Variants in UGT8 observed in about 807,000 individuals in gnomAD.
The protein encoded by UGT8 is UDP glycosyltransferase 8.
UGT8 carries 12 observed loss-of-function variants against 40.5 expected under a neutral mutation model. The ratio of observed to expected loss-of-function variants is 0.30; its 90% CI spans 0.19 to 0.48. The LOEUF (loss-of-function observed/expected upper bound fraction) is 0.48. Ranked by LOEUF, UGT8 falls within the 20% of genes least tolerant of loss-of-function variation. The pLI is 0.99. For missense variants in UGT8, 513 were observed against 648.7 expected (o/e 0.79, Z 2.27); for synonymous variants, 224 against 240.4 (o/e 0.93, Z 0.63).
intron 2 of UGT8, among the ~76,000 whole-genome samples, chr4:114,624,206 T>C (rs115352710): frequency 0.013 from 1,945 of 152,304 alleles, 31 homozygotes; most frequent in African/African-American, 0.036. Context: ...AGTAGGGAGT[T>C]GGTTAATTTA....
At chr4:114,626,823 G>T (rs1034170597) in intron 2 of UGT8, among the ~76,000 whole-genome samples, 2 of 152,028 alleles carry the variant, frequency 1.3e-5, no homozygotes, top group Non-Finnish European at 2.9e-5. Context: ...GCAGTTTTTT[G>T]AATCTTATTT....
At chr4:114,662,630 C>T (rs760796448) in intron 2 of UGT8, among the ~76,000 whole-genome samples, 2 of 151,930 alleles carry the variant, frequency 1.3e-5, no homozygotes, top group East Asian at 1.9e-4. Flanking sequence ...TGACATTATT[C>T]GCTAATTTTT....
chr4:114,606,437 T>C (rs1172504070), intron 1 of UGT8, among the ~76,000 whole-genome samples: 1 of 152,152 alleles, frequency 6.6e-6, no homozygotes, highest in African/African-American at 2.4e-5. Flanking sequence ...AAGGCCTTTG[T>C]GTTTTACATA....
At chr4:114,621,443 C>A (rs1333890905) in intron 1 of UGT8, among the ~76,000 whole-genome samples, 2 of 152,180 alleles carry the variant, frequency 1.3e-5, no homozygotes, top group Non-Finnish European at 2.9e-5. Flanking sequence ...TGTTAAAGAT[C>A]ATTTTTCCTC....
At chr4:114,661,412 A>C (rs1578460968) in intron 2 of UGT8, among the ~76,000 whole-genome samples, 1 of 152,318 alleles carries the variant, frequency 6.6e-6, no homozygotes, top group Middle Eastern at 3.4e-3. Flanking sequence ...TGGCTAAGAT[A>C]TCCTGAGGGC....
chr4:114,649,122 A>G lies in UGT8; in HGVS notation c.823-14873A>G, dbSNP rs137980873. Among the ~76,000 whole-genome samples the G allele has an allele frequency of 4.5e-4, 68 of 152,328 alleles. 1 individual carries two copies. Among genetic ancestry groups the G allele is most frequent in the African/African-American group, 1.4e-3 (59 of 41,584 alleles). On this transcript the variant is annotated intron_variant, in intron 2 of 5. Coordinates refer to ENST00000310836, the MANE Select transcript of UGT8 (RefSeq NM_001128174.3). ...TATTGGATAGCATATTGGATATGTAATTTCTGATCCCTAGGGTACTAGAGG... is the reference window on the plus strand; with the variant it reads ...TATTGGATAGCATATTGGATATGTAGTTTCTGATCCCTAGGGTACTAGAGG...
At chr4:114,650,290 T>C (rs1733823892) in intron 2 of UGT8, among the ~76,000 whole-genome samples, 1 of 152,212 alleles carries the variant, frequency 6.6e-6, no homozygotes, top group African/African-American at 2.4e-5. Context: ...TAGCACTTAT[T>C]AAAGAATTTT....
chr4:114,644,882 C>G (rs139435762), intron 2 of UGT8, among the ~76,000 whole-genome samples: 1 of 152,258 alleles, frequency 6.6e-6, no homozygotes, highest in African/African-American at 2.4e-5. Flanking sequence ...CATTCTTAGG[C>G]ACTACTTTCA....
At chr4:114,638,846 A>T (rs921665049) in intron 2 of UGT8, among the ~76,000 whole-genome samples, 1 of 152,156 alleles carries the variant, frequency 6.6e-6, no homozygotes, top group East Asian at 1.9e-4. Context: ...GTATTTTTAC[A>T]TATCTCTTAC....
At chr4:114,626,880 T>A (rs10026078) in intron 2 of UGT8, among the ~76,000 whole-genome samples, 4,938 of 152,346 alleles carry the variant, frequency 0.032, 245 homozygotes, top group African/African-American at 0.11. Context: ...TCAAGTCAAA[T>A]GAAACCATAT....
Position 114,677,919 on chromosome 4 carries a change from G to C in UGT8, c.*1631G>C, listed in dbSNP as rs1411939198. The C allele has an allele frequency of 6.6e-6, 1 of 152,206 alleles. No individual in the cohort carries two copies. The highest frequency in any genetic ancestry group is 1.5e-5 in the Non-Finnish European group (1 of 68,050). 9.4% of individuals were successfully genotyped at this position (152,206 alleles called of 1,614,324 possible). ...CCTGCACTTAGAAATAATGTCACAA[G>C]TAGTTTTCTAATGTACAATGCAGAC... On this transcript the variant is annotated 3_prime_UTR_variant, in exon 6 of 6. Transcript: ENST00000310836.
intron 1 of UGT8, among the ~76,000 whole-genome samples, chr4:114,611,734 T>C (rs1459892477): frequency 6.6e-6 from 1 of 151,612 alleles, no homozygotes; most frequent in Non-Finnish European, 1.5e-5. Flanking sequence ...AAATGAGGTA[T>C]GTGATCAAGA....
chr4:114,642,379 C>T (rs1308167037), intron 2 of UGT8, among the ~76,000 whole-genome samples: 1 of 152,026 alleles, frequency 6.6e-6, no homozygotes. Flanking sequence ...ATATTAGGCC[C>T]TCAATGAGCA....
chr4:114,630,226 T>C (rs1334663209), intron 2 of UGT8, among the ~76,000 whole-genome samples: 1 of 152,186 alleles, frequency 6.6e-6, no homozygotes, highest in East Asian at 1.9e-4. Flanking sequence ...CCTTTCCAGG[T>C]ATTGTTCCTT....
At chr4:114,649,680 C>T (rs940432497) in intron 2 of UGT8, among the ~76,000 whole-genome samples, 5 of 152,074 alleles carry the variant, frequency 3.3e-5, no homozygotes, top group African/African-American at 9.7e-5. Flanking sequence ...TCCACACTTA[C>T]GTTCAGCTAA....
At chr4:114,661,400 T>A (rs548014141) in intron 2 of UGT8, among the ~76,000 whole-genome samples, 11 of 152,296 alleles carry the variant, frequency 7.2e-5, no homozygotes, top group African/African-American at 2.6e-4. Context: ...TATGTTTATA[T>A]ATGGCTAAGA....
chr4:114,657,242 A>AATTTAACTT (rs1355374945), intron 2 of UGT8, among the ~76,000 whole-genome samples: 1 of 152,064 alleles, frequency 6.6e-6, no homozygotes, highest in Non-Finnish European at 1.5e-5. Context: ...GAACCTTGAA[A>AATTTAACTT]ATTTAACTTT....
At chr4:114,600,264 A>C (rs1304277390) in intron 1 of UGT8, among the ~76,000 whole-genome samples, 1 of 152,126 alleles carries the variant, frequency 6.6e-6, no homozygotes. Flanking sequence ...TTAGAAAAAA[A>C]CCACACTACT....
At chr4:114,627,394 G>T (rs1732300000) in intron 2 of UGT8, among the ~76,000 whole-genome samples, 1 of 151,666 alleles carries the variant, frequency 6.6e-6, no homozygotes, top group African/African-American at 2.4e-5. Context: ...AGGTAGCTGG[G>T]ACTACAGACT....
Sources: gnomAD v4.1 joint callset for allele counts (sites outside exome capture counted in the v4.1 genomes callset) on GRCh38, gnomAD v4.1.1 for gene constraint, MANE v1.5 for transcripts, NCBI Gene and HGNC (gene_info 2026-07-23, HGNC 2026-07-21) for gene names.